The following OSBPL1A variants were observed in gnomAD, a reference collection of about 807,000 sequenced individuals.
The protein encoded by OSBPL1A is oxysterol-binding protein-related protein 1.
Under a neutral mutation model 137.1 loss-of-function variants are expected in OSBPL1A, and 80 were observed. The observed-to-expected ratio is 0.58, with a 90% CI of 0.49 to 0.70. The LOEUF (loss-of-function observed/expected upper bound fraction) is 0.70, where lower values mean the gene tolerates loss of function less well. OSBPL1A is among the 30% of genes least tolerant of loss of function. OSBPL1A has a pLI of 0.00. For missense variants in OSBPL1A, 970 were observed against 1,129.4 expected (o/e 0.86, Z 2.02); for synonymous variants, 365 against 389.7 (o/e 0.94, Z 0.75).
chr18:24,205,276 T>C (rs1026261768), intron 17 of OSBPL1A, among the ~76,000 whole-genome samples: 4 of 152,220 alleles, frequency 2.6e-5, no homozygotes, highest in African/African-American at 9.6e-5. Flanking sequence ...ACCTCGGTTT[T>C]TCTTAGAAAA....
intron 15 of OSBPL1A, among the ~76,000 whole-genome samples, chr18:24,255,393 T>C (rs1052109976): frequency 6.6e-6 from 1 of 152,146 alleles, no homozygotes; most frequent in African/African-American, 2.4e-5. Context: ...CCCAAATTAC[T>C]AAACTAAGGG....
At chr18:24,272,009 G>A in intron 15 of OSBPL1A, 1 of 981,488 alleles carries the variant, frequency 1.0e-6, no homozygotes, top group Non-Finnish European at 1.2e-6. Context: ...GCCTGCGGCG[G>A]GCGGCTCCCT....
At chr18:24,186,992 T>G (rs2086765703) in intron 18 of OSBPL1A, among the ~76,000 whole-genome samples, 2 of 150,884 alleles carry the variant, frequency 1.3e-5, no homozygotes, top group South Asian at 4.2e-4. Context: ...CAGCAGCTGG[T>G]CCACCTTACA....
At chr18:24,334,568 A>G (rs2091138245) in intron 5 of OSBPL1A, among the ~76,000 whole-genome samples, 1 of 152,202 alleles carries the variant, frequency 6.6e-6, no homozygotes, top group African/African-American at 2.4e-5. Context: ...ACTAACAATA[A>G]CCATCAAAAC....
chr18:24,180,463 G>GTT (rs2086574007), intron 19 of OSBPL1A, among the ~76,000 whole-genome samples: 1 of 38,110 alleles, frequency 2.6e-5, no homozygotes, highest in Non-Finnish European at 5.0e-5. Flanking sequence ...TTTCTATTTT[G>GTT]TGTGTGTGTG....
chr18:24,205,896 T>C (rs1278484748), intron 17 of OSBPL1A, among the ~76,000 whole-genome samples: 1 of 152,226 alleles, frequency 6.6e-6, no homozygotes, highest in Non-Finnish European at 1.5e-5. Flanking sequence ...GCCTTTTTTA[T>C]TGTTGTTGTT....
intron 15 of OSBPL1A, among the ~76,000 whole-genome samples, chr18:24,273,174 C>T (rs1299516387): frequency 6.6e-6 from 1 of 152,216 alleles, no homozygotes; most frequent in Non-Finnish European, 1.5e-5. Flanking sequence ...TCCCAAAGTG[C>T]TGGGATTACA....
chr18:24,163,624 C>T (rs936821299), intron 27 of OSBPL1A, among the ~76,000 whole-genome samples: 1 of 149,352 alleles, frequency 6.7e-6, no homozygotes, highest in Non-Finnish European at 1.5e-5. Flanking sequence ...TTCCACAAGG[C>T]ATTTTTTTAA....
At chr18:24,240,168 C>T (rs1163606636) in intron 15 of OSBPL1A, among the ~76,000 whole-genome samples, 1 of 152,078 alleles carries the variant, frequency 6.6e-6, no homozygotes, top group Non-Finnish European at 1.5e-5. Flanking sequence ...AAGTGATCTG[C>T]CCGCCTGGGC....
intron 21 of OSBPL1A, 90 bp downstream of exon 21, chr18:24,177,923 C>T (rs2086491367): frequency 2.3e-6 from 3 of 1,295,288 alleles, no homozygotes; most frequent in Admixed American, 2.3e-5. Context: ...TTTTCTCCAG[C>T]TTTTGAACAG....
chr18:24,192,295 C>T (rs955468689), intron 18 of OSBPL1A, among the ~76,000 whole-genome samples: 4 of 151,946 alleles, frequency 2.6e-5, no homozygotes, highest in African/African-American at 9.7e-5. Context: ...AAGAGGAGGA[C>T]GGAAACAGGG....
At chr18:24,239,448 T>C in intron 15 of OSBPL1A, 66 bp from the exon 16 acceptor site, 8 of 1,426,694 alleles carry the variant, frequency 5.6e-6, no homozygotes, top group Non-Finnish European at 7.7e-6. Context: ...ACTCAGAGGA[T>C]GTGAAAATTA....
chr18:24,193,380 CG>C (rs987530290), intron 18 of OSBPL1A, among the ~76,000 whole-genome samples: 80 of 151,070 alleles, frequency 5.3e-4, no homozygotes, highest in African/African-American at 1.8e-3. Flanking sequence ...CCCAGCTACT[CG>C]GGAGGCTGAG....
At chr18:24,333,483 G>C (rs1340686779) in intron 6 of OSBPL1A, among the ~76,000 whole-genome samples, 1 of 152,210 alleles carries the variant, frequency 6.6e-6, no homozygotes, top group Non-Finnish European at 1.5e-5. Flanking sequence ...TGTTAAATGT[G>C]TAAATGTCAA....
chr18:24,232,032 C>T (rs1407453260), intron 16 of OSBPL1A, among the ~76,000 whole-genome samples: 1 of 152,188 alleles, frequency 6.6e-6, no homozygotes, highest in Non-Finnish European at 1.5e-5. Flanking sequence ...AGGAAACGCA[C>T]ACATGCTTAA....
At chr18:24,312,864 G>A (rs532577724) in intron 12 of OSBPL1A, among the ~76,000 whole-genome samples, 2 of 152,324 alleles carry the variant, frequency 1.3e-5, no homozygotes, top group Non-Finnish European at 2.9e-5. Flanking sequence ...GGCCTGCCGC[G>A]GTGGCTCATG....
Position 24,163,148 on chromosome 18 carries a change from G to C in OSBPL1A, c.*31C>G. The C allele has an allele frequency of 6.7e-7, 1 of 1,497,242 alleles. No individual in the cohort carries two copies. The highest frequency in any genetic ancestry group is 9.2e-7 in the Non-Finnish European group (1 of 1,083,494). 92.7% of individuals were successfully genotyped at this position (1,497,242 alleles called of 1,614,324 possible). ...AACATAGGTTTAAGACTTATTTGTA[G>C]ATTAGCCAAACACCCTGACTTGTAT... On this transcript the variant is annotated 3_prime_UTR_variant, in exon 28 of 28. Coordinates refer to ENST00000319481, the MANE Select transcript of OSBPL1A (RefSeq NM_080597.4).
At chr18:24,349,775 G>A (rs2091407240) in intron 4 of OSBPL1A, among the ~76,000 whole-genome samples, 1 of 151,206 alleles carries the variant, frequency 6.6e-6, no homozygotes, top group South Asian at 2.1e-4. Context: ...CAACCTGCGT[G>A]TACTTGCAAA....
chr18:24,263,974 C>A (rs1037895900), intron 15 of OSBPL1A, among the ~76,000 whole-genome samples: 1 of 152,174 alleles, frequency 6.6e-6, no homozygotes, highest in Non-Finnish European at 1.5e-5. Context: ...CTTAATACTA[C>A]TTGCAGAAAA....
Sources: gnomAD v4.1 joint callset for allele counts (sites outside exome capture counted in the v4.1 genomes callset) on GRCh38, gnomAD v4.1.1 for gene constraint, MANE v1.5 for transcripts, NCBI Gene and HGNC (gene_info 2026-07-23, HGNC 2026-07-21) for gene names.